PCGF5: variants seen among roughly 807,000 people sequenced by gnomAD.
PCGF5 encodes polycomb group RING finger protein 5.
PCGF5 carries 9 observed loss-of-function variants against 44.3 expected under a neutral mutation model. The observed-to-expected ratio is 0.20, with a 90% CI of 0.12 to 0.35. PCGF5 has a LOEUF of 0.35. Ranked by LOEUF, PCGF5 falls within the 10% of genes least tolerant of loss-of-function variation. PCGF5 has a pLI of 1.00. For synonymous variants in PCGF5, 95 were observed against 102.5 expected (o/e 0.93, Z 0.44); for missense variants, 146 against 305.3 (o/e 0.48, Z 3.89).
chr10:91,191,209 G>C (rs1476309669), intron 1 of PCGF5, among the ~76,000 whole-genome samples: 2 of 152,262 alleles, frequency 1.3e-5, no homozygotes, highest in South Asian at 4.2e-4. Context: ...AATAGAACTG[G>C]TATAACAATA....
intron 6 of PCGF5, among the ~76,000 whole-genome samples, chr10:91,254,336 G>A (rs530334972): frequency 1.4e-4 from 22 of 151,924 alleles, no homozygotes; most frequent in African/African-American, 3.4e-4. Context: ...CCTTTTTGGC[G>A]TGTTCTTTCC....
chr10:91,170,897 A>G (rs1184824057), intron 1 of PCGF5, among the ~76,000 whole-genome samples: 2 of 152,256 alleles, frequency 1.3e-5, no homozygotes, highest in Admixed American at 6.5e-5. Context: ...CATCCAGGTA[A>G]TGGAATATTA....
chr10:91,246,191 A>G (rs1279224437), intron 3 of PCGF5, among the ~76,000 whole-genome samples: 2 of 152,150 alleles, frequency 1.3e-5, no homozygotes, highest in Non-Finnish European at 2.9e-5. Flanking sequence ...CAGAAATGAA[A>G]CTAAGTTGGT....
intron 2 of PCGF5, among the ~76,000 whole-genome samples, chr10:91,228,597 G>C (rs535972694): frequency 7.2e-5 from 11 of 152,070 alleles, no homozygotes; most frequent in African/African-American, 2.4e-4. Context: ...GATTTTATGT[G>C]GTAATATGTA....
At chr10:91,231,731 A>G (rs933431351) in intron 2 of PCGF5, among the ~76,000 whole-genome samples, 1 of 152,194 alleles carries the variant, frequency 6.6e-6, no homozygotes, top group Non-Finnish European at 1.5e-5. Context: ...GAATTATATG[A>G]TCTGATTTAT....
intron 1 of PCGF5, among the ~76,000 whole-genome samples, chr10:91,184,871 G>A (rs1006683253): frequency 4.6e-5 from 7 of 152,208 alleles, no homozygotes; most frequent in African/African-American, 1.7e-4. Context: ...AAAGATGGCA[G>A]TGTACCCCTT....
intron 1 of PCGF5, among the ~76,000 whole-genome samples, chr10:91,188,205 G>A (rs955320690): frequency 5.3e-5 from 8 of 152,198 alleles, no homozygotes; most frequent in African/African-American, 1.7e-4. Context: ...GACAGTGGGC[G>A]CAGGACAGTG....
At chr10:91,239,266 T>G (rs1180632110) in intron 2 of PCGF5, among the ~76,000 whole-genome samples, 2 of 152,172 alleles carry the variant, frequency 1.3e-5, no homozygotes, top group Non-Finnish European at 2.9e-5. Context: ...TAATATAATG[T>G]CTAGCATTCA....
At chr10:91,204,331 A>AT (rs988737652) in intron 1 of PCGF5, among the ~76,000 whole-genome samples, 21 of 102,694 alleles carry the variant, frequency 2.0e-4, no homozygotes, top group Admixed American at 9.6e-5. Flanking sequence ...TAAGGTTTTC[A>AT]TTTAAAAAAA....
chr10:91,270,133 T>C (rs1341172623), intron 8 of PCGF5, among the ~76,000 whole-genome samples: 1 of 152,212 alleles, frequency 6.6e-6, no homozygotes, highest in Non-Finnish European at 1.5e-5. Flanking sequence ...ATTGTCAATA[T>C]CTCTATCCAG....
In PCGF5 at chr10:91,278,161, C is replaced by T. The variant is rs987034363; in HGVS notation, c.724-108C>T. On this transcript the variant is annotated intron_variant, in intron 9 of 9. Coordinates refer to ENST00000336126, the MANE Select transcript of PCGF5 (RefSeq NM_032373.5). ...TTTTAACTGTTGTAATCACTAGTACCAGGAAATACTGTAAATTATAACTCC... is the reference window on the plus strand; with the variant it reads ...TTTTAACTGTTGTAATCACTAGTACTAGGAAATACTGTAAATTATAACTCC... 6 of 885,044 alleles carry T rather than the reference C, an allele frequency of 6.8e-6. No homozygotes were observed. The African/African-American group carries it at 1.0e-4, about 15-fold the overall frequency. 54.8% of individuals were successfully genotyped at this position (885,044 alleles called of 1,614,324 possible).
intron 1 of PCGF5, among the ~76,000 whole-genome samples, chr10:91,170,342 A>G (rs535218509): frequency 6.6e-6 from 1 of 152,244 alleles, no homozygotes; most frequent in African/African-American, 2.4e-5. Flanking sequence ...TGAGCCACAG[A>G]CTGGGAGAAA....
intron 9 of PCGF5, among the ~76,000 whole-genome samples, chr10:91,275,735 G>GAGCC (rs1331695659): frequency 6.6e-6 from 1 of 151,922 alleles, no homozygotes; most frequent in Non-Finnish European, 1.5e-5. Context: ...TTACAGGCGT[G>GAGCC]AGCCACTGCG....
chr10:91,245,243 A>C (rs1845429476), intron 3 of PCGF5, among the ~76,000 whole-genome samples: 1 of 152,194 alleles, frequency 6.6e-6, no homozygotes, highest in Non-Finnish European at 1.5e-5. Flanking sequence ...AAGGAGACGG[A>C]GTGATCCACC....
intron 1 of PCGF5, among the ~76,000 whole-genome samples, chr10:91,165,945 TCTA>T (rs1163121462): frequency 2.0e-5 from 3 of 152,228 alleles, no homozygotes; most frequent in Admixed American, 6.5e-5. Context: ...AGAATGGGCT[TCTA>T]GCAGTTCCCT....
chr10:91,246,310 T>C (rs939091632), intron 3 of PCGF5, among the ~76,000 whole-genome samples: 5 of 152,136 alleles, frequency 3.3e-5, no homozygotes, highest in Non-Finnish European at 5.9e-5. Context: ...TAAGGTAGCA[T>C]TGGTTTGGTC....
intron 1 of PCGF5, among the ~76,000 whole-genome samples, chr10:91,210,218 G>T (rs1844423276): frequency 6.6e-6 from 1 of 152,144 alleles, no homozygotes; most frequent in Non-Finnish European, 1.5e-5. Context: ...TCCACCTGCT[G>T]CTTGAGATCC....
intron 2 of PCGF5, among the ~76,000 whole-genome samples, chr10:91,224,754 G>A (rs753952902): frequency 4.6e-5 from 7 of 152,132 alleles, no homozygotes; most frequent in African/African-American, 1.7e-4. Context: ...GCCTATTACT[G>A]TAGGAAAGCT....
At position 91,189,019 on chromosome 10, in the gene PCGF5, A is replaced by T. The variant is rs998686690; in HGVS notation, c.-184+25938A>T. Among the ~76,000 whole-genome samples, 12 of 152,340 alleles carry T rather than the reference A, an allele frequency of 7.9e-5. No individual in the cohort carries two copies. The South Asian group carries it at 2.5e-3, about 32-fold the overall frequency. On this transcript the variant is annotated intron_variant, in intron 1 of 9. Transcript: ENST00000614189. ...CATTTAAGGTCTACTGAGATAGGTG[A>T]TTATGGATTTAAAGTAAGATTAGCT...
Sources: gnomAD v4.1 joint callset for allele counts (sites outside exome capture counted in the v4.1 genomes callset) on GRCh38, gnomAD v4.1.1 for gene constraint, MANE v1.5 for transcripts, NCBI Gene and HGNC (gene_info 2026-07-23, HGNC 2026-07-21) for gene names.